The following SLC16A14 variants were observed in gnomAD, a reference collection of about 807,000 sequenced individuals.
SLC16A14 encodes the protein solute carrier family 16 member 14, also known as monocarboxylate transporter 14.
In SLC16A14, 14 loss-of-function variants were observed where a neutral mutation model predicts 35.8. The ratio of observed to expected loss-of-function variants is 0.39; its 90% CI spans 0.26 to 0.61. The LOEUF is 0.61. SLC16A14 is among the 20% of genes least tolerant of loss of function. The pLI, the probability that SLC16A14 is intolerant of heterozygous loss-of-function variation, is 0.51. For synonymous variants in SLC16A14, 248 were observed against 258.9 expected (o/e 0.96, Z 0.40); for missense variants, 533 against 655.0 (o/e 0.81, Z 2.03).
At chr2:230,058,567 G>GA (rs1432740812) in intron 2 of SLC16A14, among the ~76,000 whole-genome samples, 1 of 152,144 alleles carries the variant, frequency 6.6e-6, no homozygotes, top group Non-Finnish European at 1.5e-5. Context: ...TCTAAAGATG[G>GA]ATGGTGGTGA....
chr2:230,059,983 T>G (rs1198930710), intron 1 of SLC16A14, among the ~76,000 whole-genome samples: 1 of 152,190 alleles, frequency 6.6e-6, no homozygotes, highest in African/African-American at 2.4e-5. Flanking sequence ...CTAATAATGG[T>G]GGTACTTATG....
chr2:230,041,340 T>C (rs1476081927), intron 4 of SLC16A14, among the ~76,000 whole-genome samples: 1 of 152,074 alleles, frequency 6.6e-6, no homozygotes, highest in Admixed American at 6.6e-5. Flanking sequence ...TTTTGTTTTA[T>C]TTTATTTTAT....
At chr2:230,066,290 C>T (rs2077794443) in intron 1 of SLC16A14, among the ~76,000 whole-genome samples, 1 of 151,108 alleles carries the variant, frequency 6.6e-6, no homozygotes, top group African/African-American at 2.4e-5. Context: ...GATGATAGAA[C>T]GAGACTACCT....
chr2:230,066,646 T>A (rs1361773606), intron 1 of SLC16A14: 6 of 438,132 alleles, frequency 1.4e-5, no homozygotes, highest in Non-Finnish European at 2.7e-5. Context: ...TCATTTTTTT[T>A]TTTTTTTTGA....
At chr2:230,048,895 C>T (rs1163317276) in intron 3 of SLC16A14, among the ~76,000 whole-genome samples, 1 of 112,018 alleles carries the variant, frequency 8.9e-6, no homozygotes, top group Non-Finnish European at 1.7e-5. Context: ...TATACTCCAG[C>T]CTGGGCAACA....
At chr2:230,052,859 G>GA (rs35622440) in intron 2 of SLC16A14, among the ~76,000 whole-genome samples, 137,413 of 149,828 alleles carry the variant, frequency 0.92, 63,106 homozygotes, top group East Asian at 1. Flanking sequence ...TATGTACATT[G>GA]AAAAAAAAAT....
At position 230,044,704 on chromosome 2, in the gene SLC16A14, T is replaced by TTG. The variant is rs751868776; in HGVS notation, c.1381+1039_1381+1040dup. On this transcript the variant is annotated intron_variant, in intron 4 of 4. Transcript: ENST00000295190. Reference sequence around the variant, plus strand: ...GAACAGTAAGATAATAAGTCTGTATTTGTGTGTGTGTGTGTGTGTGTGTGT... The same window carrying TTG: ...GAACAGTAAGATAATAAGTCTGTATTTGTGTGTGTGTGTGTGTGTGTGTGTGT... Among the ~76,000 whole-genome samples, 1,197 of 132,598 alleles carry TTG rather than the reference T, an allele frequency of 9.0e-3. 11 individuals carry two copies. The highest frequency in any genetic ancestry group is 0.023 in the East Asian group (99 of 4,246). The allele number at this position is 132,598 out of a possible 152,430, so 87.0% of individuals were successfully genotyped here.
At chr2:230,062,732 A>G (rs2077760913) in intron 1 of SLC16A14, among the ~76,000 whole-genome samples, 1 of 152,192 alleles carries the variant, frequency 6.6e-6, no homozygotes, top group Non-Finnish European at 1.5e-5. Context: ...GGGGGAAAAA[A>G]TGAGTGTAGG....
At chr2:230,057,360 A>C (rs1350420532) in intron 2 of SLC16A14, among the ~76,000 whole-genome samples, 3 of 152,236 alleles carry the variant, frequency 2.0e-5, no homozygotes, top group African/African-American at 4.8e-5. Flanking sequence ...CCAGCTGTAT[A>C]AGATTTGACT....
chr2:230,036,567 C>A lies in SLC16A14; in HGVS notation c.*813G>T, dbSNP rs934186121. 6.6e-6 allele frequency: 1 copy of A among 152,152 alleles called. No homozygotes were observed. Among genetic ancestry groups the A allele is most frequent in the African/African-American group, 2.4e-5 (1 of 41,430 alleles). The allele number at this position is 152,152 out of a possible 1,614,324, so 9.4% of individuals were successfully genotyped here. Reference sequence around the variant, plus strand: ...CAGAAAAAAATATTACAGGCCCCACCTCATGCTTATATCATCTAAGAGGCC... The same window carrying A: ...CAGAAAAAAATATTACAGGCCCCACATCATGCTTATATCATCTAAGAGGCC... On this transcript the variant is annotated 3_prime_UTR_variant, in exon 5 of 5. Transcript: ENST00000295190.
Position 230,037,185 on chromosome 2 carries a change from A to C in SLC16A14, c.*195T>G. 2.3e-6 allele frequency: 1 copy of C among 441,098 alleles called. No homozygotes were observed. The highest frequency in any genetic ancestry group is 2.0e-5 in the African/African-American group (1 of 49,784). The allele number at this position is 441,098 out of a possible 1,614,324, so 27.3% of individuals were successfully genotyped here. A position where few individuals can be genotyped will look rare whatever the true frequency, so the allele number is the denominator to read the frequency against. Reference sequence around the variant, plus strand: ...CTCTAGAATGTATGTAGTCCTTAAGATCTTCCAGCATTACATCTCCCCAAA... The same window carrying C: ...CTCTAGAATGTATGTAGTCCTTAAGCTCTTCCAGCATTACATCTCCCCAAA... On this transcript the variant is annotated 3_prime_UTR_variant, in exon 5 of 5. Coordinates refer to ENST00000295190, the MANE Select transcript of SLC16A14 (RefSeq NM_152527.5).
intron 4 of SLC16A14, among the ~76,000 whole-genome samples, chr2:230,039,441 T>C (rs2077542612): frequency 6.6e-6 from 1 of 152,138 alleles, no homozygotes; most frequent in Non-Finnish European, 1.5e-5. Context: ...AAAATAATGC[T>C]TCAGCTTCAG....
At chr2:230,057,822 T>C (rs2077717939) in intron 2 of SLC16A14, among the ~76,000 whole-genome samples, 1 of 151,852 alleles carries the variant, frequency 6.6e-6, no homozygotes, top group Non-Finnish European at 1.5e-5. Flanking sequence ...AGGTCAGGAG[T>C]TTAAGACCAG....
chr2:230,049,907 G>A lies in SLC16A14; in HGVS notation c.260-3C>T. On this transcript the variant is annotated splice_polypyrimidine_tract_variant and splice_region_variant and intron_variant, in intron 2 of 4. Transcript: ENST00000295190. Reference sequence around the variant, plus strand: ...AATGAACAAGCCGATGAAAGGGCCTGTCACAGAGCATTGGAAAAGGAATTG... The same window carrying A: ...AATGAACAAGCCGATGAAAGGGCCTATCACAGAGCATTGGAAAAGGAATTG... 4 of 1,613,342 alleles carry A rather than the reference G, an allele frequency of 2.5e-6. No homozygotes were observed. Among genetic ancestry groups the A allele is most frequent in the Non-Finnish European group, 3.4e-6 (4 of 1,179,504 alleles).
chr2:230,063,789 C>T lies in SLC16A14; in HGVS notation c.-14-4423G>A, dbSNP rs1161011146. Reference sequence around the variant, plus strand: ...ACCAGTAATTTCCCGCTTCTTTCTACTATCTTAGTGGTGAGAAATTTCCTC... The same window carrying T: ...ACCAGTAATTTCCCGCTTCTTTCTATTATCTTAGTGGTGAGAAATTTCCTC... On this transcript the variant is annotated intron_variant, in intron 1 of 4. Coordinates refer to ENST00000295190, the MANE Select transcript of SLC16A14 (RefSeq NM_152527.5). Among the ~76,000 whole-genome samples the T allele has an allele frequency of 1.1e-4, 17 of 152,118 alleles. 1 individual carries two copies. The highest frequency in any genetic ancestry group is 1.1e-3 in the Admixed American group (17 of 15,264).
At position 230,059,207 on chromosome 2, in the gene SLC16A14, C is replaced by A; in HGVS notation, c.146G>T (p.Gly49Val). 6.2e-7 allele frequency: 1 copy of A among 1,614,150 alleles called. No individual in the cohort carries two copies. The highest frequency in any genetic ancestry group is 8.5e-7 in the Non-Finnish European group (1 of 1,180,034). ...SSFFVHILIM[G>V]SQMALGVLNV... ...GAGGACACCCAGGGCCATCTGGGAG[C>A]CCATGATGAGGATGTGCACAAAGAA... Residue 49 changes from glycine to valine, a missense_variant, in exon 2 of 5, where the codon GGC becomes GTC. Physicochemically the swap from Gly to Val is moderately radical, Grantham distance 109. Transcript: ENST00000295190.
chr2:230,049,076 A>G (rs2077634830), intron 3 of SLC16A14, among the ~76,000 whole-genome samples: 1 of 146,462 alleles, frequency 6.8e-6, no homozygotes, highest in Admixed American at 6.8e-5. Flanking sequence ...TATTATTATT[A>G]TTATTATTAT....
In SLC16A14 at chr2:230,046,469, G is replaced by A; in HGVS notation, c.657C>T (p.Asn219=). The A allele has an allele frequency of 1.2e-6, 2 of 1,614,162 alleles. No individual in the cohort carries two copies. The highest frequency in any genetic ancestry group is 1.7e-6 in the Non-Finnish European group (2 of 1,180,026). The change falls in exon 4 of 5, where the codon AAC becomes AAT. Residue 219 remains asparagine (N), a synonymous_variant. Coordinates refer to ENST00000295190, the MANE Select transcript of SLC16A14 (RefSeq NM_152527.5). The surrounding 1 kb of genome is among the most constrained non-coding windows in gnomAD (Gnocchi z 5.0). ...CACGCACATCTTTCTCTCCTGGGTC[G>A]TTTGGGTTTTTACCAGGAGAGAGGG... ...MRPLSPGKNP[N]DPGEKDVRGL... is the part of the protein sequence containing the mutation.
Position 230,037,459 on chromosome 2 carries a change from A to G in SLC16A14, c.1454T>C (p.Ile485Thr), listed in dbSNP as rs1338431169. ...GCACGGCTGAATAAGTAAAAAGAGTATTCCTATCATGTAAAGCAAACCACA... is the reference window on the plus strand; with the variant it reads ...GCACGGCTGAATAAGTAAAAAGAGTGTTCCTATCATGTAAAGCAAACCACA... The part of the protein sequence containing the change: ...YICGLLYMIG[I>T]LFLLIQPCIR... Residue 485 changes from isoleucine to threonine, a missense_variant, in exon 5 of 5, where the codon ATA (isoleucine) becomes ACA (threonine). By Grantham distance (89) the Ile-to-Thr change is moderately conservative (BLOSUM62 -1). Transcript: ENST00000295190. 3.7e-6 allele frequency: 6 copies of G among 1,613,004 alleles called. No homozygotes were observed. The highest frequency in any genetic ancestry group is 5.1e-6 in the Non-Finnish European group (6 of 1,179,782).
Sources: allele counts gnomAD v4.1 joint callset (sites outside exome capture counted in the v4.1 genomes callset), GRCh38; gene constraint gnomAD v4.1.1; non-coding constraint Gnocchi (gnomAD v3.1); transcripts MANE v1.5; gene names NCBI Gene and HGNC (gene_info 2026-07-23, HGNC 2026-07-21).